G3BP2: variants seen among roughly 807,000 people sequenced by gnomAD.
G3BP2 encodes G3BP stress granule assembly factor 2.
Under a neutral mutation model 56.7 loss-of-function variants are expected in G3BP2, and 11 were observed. The observed-to-expected ratio is 0.19, with a 90% CI of 0.12 to 0.32. G3BP2 has a LOEUF of 0.32. Among genes scored for constraint, G3BP2 ranks in the 10% least tolerant of loss-of-function variants. G3BP2 has a pLI of 1.00. For synonymous variants in G3BP2, 165 were observed against 191.6 expected, an observed-to-expected ratio of 0.86 and a Z score of 1.15; for missense variants, 340 against 610.9, an observed-to-expected ratio of 0.56 and a Z score of 4.67.
At chr4:75,714,555 G>A (rs192768962) in intron 3 of G3BP2, among the ~76,000 whole-genome samples, 10 of 152,234 alleles carry the variant, frequency 6.6e-5, no homozygotes, top group Admixed American at 3.9e-4. Context: ...TTGAACCCGG[G>A]AGGCGAAGGT....
chr4:75,709,434 A>AC (rs1313727769), intron 3 of G3BP2, among the ~76,000 whole-genome samples: 1 of 150,644 alleles, frequency 6.6e-6, no homozygotes, highest in Admixed American at 6.6e-5. Flanking sequence ...AAAAAAAAAA[A>AC]AAAAAAAACC....
chr4:75,663,853 G>A (rs1159666107), intron 1 of G3BP2, among the ~76,000 whole-genome samples: 3 of 2,606 alleles, frequency 1.2e-3, no homozygotes, highest in Admixed American at 4.0e-3. Context: ...AGCGAGACTC[G>A]TCTCAAAAAA....
At chr4:75,722,192 C>A (rs976912842) in intron 2 of G3BP2, among the ~76,000 whole-genome samples, 2 of 152,088 alleles carry the variant, frequency 1.3e-5, no homozygotes, top group East Asian at 1.9e-4. Flanking sequence ...CCTCGGGGAT[C>A]CCACCTTCAT....
At chr4:75,710,052 G>A (rs963533742) in intron 3 of G3BP2, among the ~76,000 whole-genome samples, 1 of 152,172 alleles carries the variant, frequency 6.6e-6, no homozygotes, top group Admixed American at 6.6e-5. Context: ...ACTAGGTAAT[G>A]TAATGTGCTA....
At chr4:75,647,236 T>A in intron 9 of G3BP2, 79 bp from the exon 10 acceptor site, 1 of 908,568 alleles carries the variant, frequency 1.1e-6, no homozygotes. Flanking sequence ...TAAAAATCAC[T>A]TAATATTGAT....
chr4:75,645,305 T>G lies in G3BP2; in HGVS notation c.*125A>C. The G allele has an allele frequency of 1.2e-6, 1 of 805,834 alleles. No individual in the cohort carries two copies. The highest frequency in any genetic ancestry group is 1.9e-6 in the Non-Finnish European group (1 of 514,190). The allele number at this position is 805,834 out of a possible 1,614,324, so 49.9% of individuals were successfully genotyped here. A position where few individuals can be genotyped will look rare whatever the true frequency, so the allele number is the denominator to read the frequency against. On this transcript the variant is annotated 3_prime_UTR_variant, in exon 12 of 12. Coordinates refer to ENST00000359707, the MANE Select transcript of G3BP2 (RefSeq NM_203505.3). ...CCTCAATTTAACTGATAACCAAAGA[T>G]GCTTTTCACATCAAAGAAATGATCA... is the stretch of plus-strand genomic sequence containing the variant.
chr4:75,668,948 C>G (rs1733270736), intron 1 of G3BP2, among the ~76,000 whole-genome samples: 1 of 152,198 alleles, frequency 6.6e-6, no homozygotes, highest in African/African-American at 2.4e-5. Context: ...ATTCCCCTCT[C>G]AAATATTATA....
chr4:75,679,110 TAGAA>T (rs1733979853), intron 3 of G3BP2, among the ~76,000 whole-genome samples: 1 of 152,190 alleles, frequency 6.6e-6, no homozygotes, highest in Non-Finnish European at 1.5e-5. Flanking sequence ...ATGGCCAATT[TAGAA>T]AGAGAGCCCA....
At chr4:75,700,931 T>G (rs1014461840) in intron 3 of G3BP2, among the ~76,000 whole-genome samples, 1 of 151,692 alleles carries the variant, frequency 6.6e-6, no homozygotes, top group Admixed American at 6.6e-5. Flanking sequence ...CTCCACCTAC[T>G]GGGTTCAAGC....
In G3BP2 at chr4:75,653,963, T is replaced by C; in HGVS notation, c.825+20A>G. On this transcript the variant is annotated intron_variant, in intron 8 of 11. Transcript: ENST00000359707. The stretch of plus-strand genomic sequence containing the variant: ...GCAATGTAACAAGGATACAATCCAA[T>C]GTGTTCACAGATTGGTTACCTGTGA... The C allele has an allele frequency of 9.4e-7, 1 of 1,058,204 alleles. No homozygotes were observed. Among genetic ancestry groups the C allele is most frequent in the Non-Finnish European group, 1.5e-6 (1 of 673,764 alleles). 65.6% of individuals were successfully genotyped at this position (1,058,204 alleles called of 1,614,324 possible). A position where few individuals can be genotyped will look rare whatever the true frequency, so the allele number is the denominator to read the frequency against.
chr4:75,716,317 G>A (rs929233293), intron 3 of G3BP2, among the ~76,000 whole-genome samples: 2 of 151,810 alleles, frequency 1.3e-5, no homozygotes, highest in South Asian at 2.1e-4. Context: ...TTACAGGCAC[G>A]TGCCATGATG....
rs201729974 is a variant in G3BP2, at chr4:75,650,425, T to TC, written c.826-1685dup. ...TGGGCAACAAGAGAGAAACTCCATC[T>TC]CAAAAAAAAAAAAAAAAAAAGCTTC... is the stretch of plus-strand genomic sequence containing the variant. On this transcript the variant is annotated intron_variant, in intron 8 of 11. Coordinates refer to ENST00000359707, the MANE Select transcript of G3BP2 (RefSeq NM_203505.3). Among the ~76,000 whole-genome samples, 276 of 34,116 alleles carry TC rather than the reference T, an allele frequency of 8.1e-3. 8 individuals carry two copies. The highest frequency in any genetic ancestry group is 0.062 in the Middle Eastern group (3 of 48). 22.4% of individuals were successfully genotyped at this position (34,116 alleles called of 152,430 possible).
upstream of G3BP2, chr4:75,673,694 CCTT>C (rs1733712280): frequency 9.0e-7 from 1 of 1,115,770 alleles, no homozygotes; most frequent in East Asian, 3.2e-5. Context: ...GCCTTGCCGC[CCTT>C]CTTCCTGATC....
intron 3 of G3BP2, among the ~76,000 whole-genome samples, chr4:75,699,819 T>C (rs1719268230): frequency 6.6e-6 from 1 of 152,164 alleles, no homozygotes; most frequent in Non-Finnish European, 1.5e-5. Flanking sequence ...TATTCATAAA[T>C]TTATTATTTT....
intron 3 of G3BP2, among the ~76,000 whole-genome samples, chr4:75,705,224 C>T (rs1206902547): frequency 6.6e-6 from 1 of 152,190 alleles, no homozygotes; most frequent in African/African-American, 2.4e-5. Flanking sequence ...GCCTGACCTC[C>T]CAGCATTCGG....
rs1731123437 is a variant in G3BP2, at chr4:75,645,170, T to C, written c.*260A>G. 4 of 435,046 alleles carry C rather than the reference T, an allele frequency of 9.2e-6. No individual in the cohort carries two copies. The highest frequency in any genetic ancestry group is 4.0e-6 in the Non-Finnish European group (1 of 247,348). 26.9% of individuals were successfully genotyped at this position (435,046 alleles called of 1,614,324 possible). On this transcript the variant is annotated 3_prime_UTR_variant, in exon 12 of 12. Coordinates refer to ENST00000359707, the MANE Select transcript of G3BP2 (RefSeq NM_203505.3). ...GTGGGCATGTCCTTTTAAGTTCACT[T>C]TGTCGTAGATAGTTTAAGATATGGT... is the stretch of plus-strand genomic sequence containing the variant.
At chr4:75,674,319 A>G (rs1273002419), upstream of G3BP2, among the ~76,000 whole-genome samples, 1 of 152,194 alleles carries the variant, frequency 6.6e-6, no homozygotes, top group East Asian at 1.9e-4. Flanking sequence ...ATGCTTACGA[A>G]CTAAACATGG....
intron 3 of G3BP2, among the ~76,000 whole-genome samples, chr4:75,689,058 GA>G (rs563769032): frequency 2.5e-4 from 37 of 149,210 alleles, no homozygotes; most frequent in Middle Eastern, 3.4e-3. Context: ...ATGTGAAAGA[GA>G]AAAAAAAAAT....
At chr4:75,649,012 C>A in intron 8 of G3BP2, 2 of 246,420 alleles carry the variant, frequency 8.1e-6, no homozygotes, top group Admixed American at 1.0e-4. Context: ...AAAGTTATAT[C>A]AACACTGAAA....
Sources: allele counts gnomAD v4.1 joint callset (sites outside exome capture counted in the v4.1 genomes callset), GRCh38; gene constraint gnomAD v4.1.1; transcripts MANE v1.5; gene names NCBI Gene and HGNC (gene_info 2026-07-23, HGNC 2026-07-21).